Variants in BCKDK observed in about 807,000 individuals in gnomAD.
The protein encoded by BCKDK is branched-chain alpha-ketoacid dehydrogenase kinase.
Under a neutral mutation model 43.9 loss-of-function variants are expected in BCKDK, and 28 were observed. The ratio of observed to expected loss-of-function variants is 0.64; its 90% CI spans 0.47 to 0.87. The LOEUF (loss-of-function observed/expected upper bound fraction) is 0.87. Ranked by LOEUF, BCKDK falls within the 40% of genes least tolerant of loss-of-function variation. BCKDK has a pLI of 0.00. For synonymous variants in BCKDK, 257 were observed against 234.3 expected (o/e 1.10, Z -0.88); for missense variants, 483 against 581.4 (o/e 0.83, Z 1.74).
rs993090924 is a variant in BCKDK, at chr16:31,108,553, C to A, written c.-178+74C>A. The A allele has an allele frequency of 1.3e-5, 2 of 152,320 alleles. No individual in the cohort carries two copies. The highest frequency in any genetic ancestry group is 2.4e-5 in the African/African-American group (1 of 41,476). The allele number at this position is 152,320 out of a possible 1,614,324, so 9.4% of individuals were successfully genotyped here. A position where few individuals can be genotyped will look rare whatever the true frequency, so the allele number is the denominator to read the frequency against. ...CACGTCCGCAGCCTCCATCACAGCG[C>A]GGGCGCGCAGACGGGGCTGGCATCT... On this transcript the variant is annotated intron_variant, in intron 1 of 11. Coordinates refer to ENST00000219794, the MANE Select transcript of BCKDK (RefSeq NM_005881.4). This position sits in a 1 kb window ranked among gnomAD's most constrained non-coding sequence, Gnocchi z 6.2.
chr16:31,117,064 A>C (rs1009384841), downstream of BCKDK, among the ~76,000 whole-genome samples: 7 of 149,458 alleles, frequency 4.7e-5, no homozygotes, highest in African/African-American at 1.5e-4. Flanking sequence ...TTCCGCAGGT[A>C]CCAGGGCCTT....
downstream of BCKDK, among the ~76,000 whole-genome samples, chr16:31,115,453 C>T (rs2057440054): frequency 6.6e-6 from 1 of 151,908 alleles, no homozygotes; most frequent in Admixed American, 6.6e-5. Flanking sequence ...GAACTCCCGA[C>T]CTCAGGTGAT....
chr16:31,110,802 G>A lies in BCKDK; in HGVS notation c.716+41G>A, dbSNP rs750673703. The A allele has an allele frequency of 1.3e-6, 2 of 1,597,626 alleles. No homozygotes were observed. Among genetic ancestry groups the A allele is most frequent in the Non-Finnish European group, 1.7e-6 (2 of 1,165,144 alleles). ...CTCAGGGGGTGGGCAGACATCTGGG[G>A]CAGGGAAGGCTTGGGTCTGAGCCCT... On this transcript the variant is annotated intron_variant, in intron 8 of 11. Transcript: ENST00000219794. The surrounding 1 kb of genome is among the most constrained non-coding windows in gnomAD (Gnocchi z 5.4).
At position 31,110,683 on chromosome 16, in the gene BCKDK, GC is replaced by G; in HGVS notation, c.643-3del. 6.2e-7 allele frequency: 1 copy of G among 1,614,036 alleles called. No individual in the cohort carries two copies. Among genetic ancestry groups the G allele is most frequent in the Non-Finnish European group, 8.5e-7 (1 of 1,179,980 alleles). ...GGGTAGTCCTGACCTCCTTTCTCCG[GC>G]CAGCCTGACTTTGTCGGCATCATCT... On this transcript the variant is annotated splice_region_variant and splice_polypyrimidine_tract_variant and intron_variant, in intron 7 of 11. Transcript: ENST00000219794. This position sits in a 1 kb window ranked among gnomAD's most constrained non-coding sequence, Gnocchi z 5.4.
At chr16:31,117,494 G>A (rs2057455687), downstream of BCKDK, 1 of 427,700 alleles carries the variant, frequency 2.3e-6, no homozygotes, top group Non-Finnish European at 4.0e-6. Context: ...GGAAAACCAG[G>A]AGCTCCAAGA....
Position 31,110,433 on chromosome 16 carries a change from G to A in BCKDK, c.576G>A (p.Lys192=), listed in dbSNP as rs755577638. Residue 192 remains lysine (K), a synonymous_variant, in exon 7 of 12, where the codon AAG becomes AAA. Coordinates refer to ENST00000219794, the MANE Select transcript of BCKDK (RefSeq NM_005881.4). The surrounding 1 kb of genome is among the most constrained non-coding windows in gnomAD (Gnocchi z 5.4). ...AGCTCGTCCGCTACTTCTTGGACAAGACGCTGACTTCGAGGCTTGGAATCC... is the reference window on the plus strand; with the variant it reads ...AGCTCGTCCGCTACTTCTTGGACAAAACGCTGACTTCGAGGCTTGGAATCC... ...DEKLVRYFLD[K]TLTSRLGIRM... 5.0e-6 allele frequency: 8 copies of A among 1,613,976 alleles called. No homozygotes were observed. Among genetic ancestry groups the A allele is most frequent in the Non-Finnish European group, 6.8e-6 (8 of 1,180,042 alleles).
At chr16:31,116,773 C>T (rs1253664837), downstream of BCKDK, among the ~76,000 whole-genome samples, 3 of 147,642 alleles carry the variant, frequency 2.0e-5, no homozygotes, top group African/African-American at 7.5e-5. Context: ...AAAAAATAGC[C>T]GGGCGTGGTG....
downstream of BCKDK, among the ~76,000 whole-genome samples, chr16:31,116,429 T>C (rs1434257452): frequency 2.9e-5 from 4 of 139,250 alleles, no homozygotes; most frequent in East Asian, 8.7e-4. Context: ...GCCAGGATGG[T>C]CTCGATCTCC....
In BCKDK at chr16:31,112,441, C is replaced by A; in HGVS notation, c.*176C>A. On this transcript the variant is annotated 3_prime_UTR_variant, in exon 12 of 12. Transcript: ENST00000219794. The surrounding 1 kb of genome is among the most constrained non-coding windows in gnomAD (Gnocchi z 5.0). ...TGCCCTGCCTCAACAGGGTCCATTGCCTCCTCGCCTCCAGAACTTGGAGCA... is the reference window on the plus strand; with the variant it reads ...TGCCCTGCCTCAACAGGGTCCATTGACTCCTCGCCTCCAGAACTTGGAGCA... 1 of 1,021,038 alleles carries A rather than the reference C, an allele frequency of 9.8e-7. No homozygotes were observed. The highest frequency in any genetic ancestry group is 1.4e-5 in the South Asian group (1 of 72,706). 63.2% of individuals were successfully genotyped at this position (1,021,038 alleles called of 1,614,324 possible).
chr16:31,116,704 G>A (rs2057448177), downstream of BCKDK, among the ~76,000 whole-genome samples: 1 of 146,786 alleles, frequency 6.8e-6, no homozygotes, highest in African/African-American at 2.5e-5. Flanking sequence ...ATCACCTGAG[G>A]TCAGGAGTTC....
At chr16:31,116,935 G>C (rs1430434016), downstream of BCKDK, among the ~76,000 whole-genome samples, 1 of 120,726 alleles carries the variant, frequency 8.3e-6, no homozygotes, top group Non-Finnish European at 1.8e-5. Context: ...AAAAGGGGGG[G>C]GGGCGGGGAG....
downstream of BCKDK, among the ~76,000 whole-genome samples, chr16:31,113,238 A>G (rs1051330915): frequency 6.6e-6 from 1 of 152,176 alleles, no homozygotes; most frequent in Non-Finnish European, 1.5e-5. Context: ...TTCACATGTG[A>G]GCTCCCACAG....
At chr16:31,117,368 C>CT (rs1449061949), downstream of BCKDK, 24 of 57,428 alleles carry the variant, frequency 4.2e-4, no homozygotes, top group South Asian at 1.8e-3. Flanking sequence ...GATTCCGTCT[C>CT]AAAATAAATA....
In BCKDK at chr16:31,109,262, C is replaced by G; in HGVS notation, c.39C>G (p.Gly13=). 1 of 1,557,108 alleles carries G rather than the reference C, an allele frequency of 6.4e-7. No homozygotes were observed. Among genetic ancestry groups the G allele is most frequent in the Non-Finnish European group, 8.7e-7 (1 of 1,153,196 alleles). Residue 13 remains glycine, a synonymous_variant, in exon 2 of 12, where the codon GGC becomes GGG. Coordinates refer to ENST00000219794, the MANE Select transcript of BCKDK (RefSeq NM_005881.4). The surrounding 1 kb of genome is among the most constrained non-coding windows in gnomAD (Gnocchi z 5.3). ...CGGTGCTGAGGAGCGGTCCCGGGGG[C>G]GGGCTTCCGCTCCGGCCCCTCCTGG... The part of the protein sequence containing the change: ...LASVLRSGPG[G]GLPLRPLLGP...
chr16:31,110,025 C>G lies in BCKDK; in HGVS notation c.376-52C>G. 6.2e-7 allele frequency: 1 copy of G among 1,612,922 alleles called. No individual in the cohort carries two copies. Among genetic ancestry groups the G allele is most frequent in the Non-Finnish European group, 8.5e-7 (1 of 1,179,114 alleles). On this transcript the variant is annotated intron_variant, in intron 4 of 11. Transcript: ENST00000219794. This position sits in a 1 kb window ranked among gnomAD's most constrained non-coding sequence, Gnocchi z 5.4. ...CCATGGGTAGGTGGGGGTGGCTGTT[C>G]TCTGCTCAGTGCCCATGCGGCTTTG...
chr16:31,116,928 A>AAGG (rs1555503180), downstream of BCKDK, among the ~76,000 whole-genome samples: 9 of 27,286 alleles, frequency 3.3e-4, no homozygotes, highest in East Asian at 1.1e-3. Flanking sequence ...AAAAAAAAAA[A>AAGG]GGGGGGGGGG....
At position 31,109,573 on chromosome 16, in the gene BCKDK, C is replaced by T. The variant is rs1226818973; in HGVS notation, c.258C>T (p.His86=). 1.2e-6 allele frequency: 2 copies of T among 1,614,006 alleles called. No individual in the cohort carries two copies. The highest frequency in any genetic ancestry group is 1.7e-6 in the Non-Finnish European group (2 of 1,180,034). Residue 86 remains histidine (H), a synonymous_variant, in exon 3 of 12, where the codon CAC becomes CAT. Transcript: ENST00000219794. This position sits in a 1 kb window ranked among gnomAD's most constrained non-coding sequence, Gnocchi z 5.3. ...CTGGCCGCTCTCAGGACGGCAGCCA[C>T]CTTCTGGTAAGATTCACGCCCTCTA... ...LYAGRSQDGS[H]LLKSARYLQQ... is the part of the protein sequence containing the mutation.
downstream of BCKDK, chr16:31,117,581 GA>G: frequency 9.9e-7 from 1 of 1,010,860 alleles, no homozygotes; most frequent in Non-Finnish European, 1.3e-6. Context: ...CTACATCACA[GA>G]CCCCGCCCTC....
In BCKDK at chr16:31,109,364, C is replaced by G; in HGVS notation, c.141C>G (p.Ser47=). 6.2e-7 allele frequency: 1 copy of G among 1,609,506 alleles called. No individual in the cohort carries two copies. The highest frequency in any genetic ancestry group is 1.1e-5 in the South Asian group (1 of 90,826). Residue 47 remains serine, a synonymous_variant, in exon 2 of 12, where the codon TCC becomes TCG. Coordinates refer to ENST00000219794, the MANE Select transcript of BCKDK (RefSeq NM_005881.4). The surrounding 1 kb of genome is among the most constrained non-coding windows in gnomAD (Gnocchi z 5.3). The part of the protein sequence containing the change: ...THHVEMARER[S]KTVTSFYNQS... Reference sequence around the variant, plus strand: ...ACGTGGAGATGGCTCGGGAGCGCTCCAAGACCGTCACCTCCTTTTACAACC... The same window carrying G: ...ACGTGGAGATGGCTCGGGAGCGCTCGAAGACCGTCACCTCCTTTTACAACC...
Sources: allele counts gnomAD v4.1 joint callset (sites outside exome capture counted in the v4.1 genomes callset), GRCh38; gene constraint gnomAD v4.1.1; non-coding constraint Gnocchi (gnomAD v3.1); transcripts MANE v1.5; gene names NCBI Gene and HGNC (gene_info 2026-07-23, HGNC 2026-07-21).